Variants in PXDNL observed in about 807,000 individuals in gnomAD.
PXDNL encodes the protein probable oxidoreductase PXDNL.
Under a neutral mutation model 150.8 loss-of-function variants are expected in PXDNL, and 145 were observed. The ratio of observed to expected loss-of-function variants is 0.96; its 90% CI spans 0.84 to 1.10. The LOEUF is 1.10. Among genes scored for constraint, PXDNL ranks in the 50% least tolerant of loss-of-function variants. The pLI, the probability that PXDNL is intolerant of heterozygous loss-of-function variation, is 0.00. For missense variants in PXDNL, 2,087 were observed against 1,873.9 expected (o/e 1.11, Z -2.10); for synonymous variants, 757 against 725.7 (o/e 1.04, Z -0.69).
chr8:51,687,376 C>T (rs56263474), intron 1 of PXDNL, among the ~76,000 whole-genome samples: 2,065 of 152,156 alleles, frequency 0.014, 29 homozygotes, highest in South Asian at 0.045. Flanking sequence ...GTTGATGATA[C>T]AATGTTTAAA....
intron 2 of PXDNL, among the ~76,000 whole-genome samples, chr8:51,628,518 G>A (rs1814416009): frequency 7.2e-6 from 1 of 138,728 alleles, no homozygotes; most frequent in Non-Finnish European, 1.5e-5. Flanking sequence ...CAATTATCCT[G>A]CCTCAGCCTC....
At chr8:51,343,814 G>T (rs117814964) in intron 20 of PXDNL, among the ~76,000 whole-genome samples, 6 of 152,116 alleles carry the variant, frequency 3.9e-5, no homozygotes, top group African/African-American at 1.4e-4. Context: ...CGCTTCACCT[G>T]AATCAATGGA....
chr8:51,461,317 T>C (rs899566724), intron 8 of PXDNL, among the ~76,000 whole-genome samples: 2 of 152,188 alleles, frequency 1.3e-5, no homozygotes, highest in Admixed American at 1.3e-4. Context: ...AGGGCTAGTA[T>C]GGGAAGGGTG....
chr8:51,398,107 T>A (rs751652393), intron 17 of PXDNL, among the ~76,000 whole-genome samples: 2 of 152,180 alleles, frequency 1.3e-5, no homozygotes, highest in Non-Finnish European at 2.9e-5. Context: ...GAGGACAACA[T>A]GTGTGAGCCC....
chr8:51,386,868 G>C (rs1807733162), intron 17 of PXDNL, among the ~76,000 whole-genome samples: 1 of 150,866 alleles, frequency 6.6e-6, no homozygotes, highest in African/African-American at 2.4e-5. Flanking sequence ...TCAGCCAAGT[G>C]ACAAGCATTT....
chr8:51,332,157 T>G (rs1586007136), intron 21 of PXDNL, among the ~76,000 whole-genome samples: 1 of 152,216 alleles, frequency 6.6e-6, no homozygotes, highest in East Asian at 1.9e-4. Flanking sequence ...CACAGATTTC[T>G]GTGCAGAAAC....
chr8:51,560,721 G>C (rs1203313646), intron 3 of PXDNL, among the ~76,000 whole-genome samples: 1 of 151,830 alleles, frequency 6.6e-6, no homozygotes, highest in Admixed American at 6.6e-5. Context: ...CTTGGGTTTG[G>C]CAAATATTTC....
rs1385507905 is a variant in PXDNL, at chr8:51,697,546, G to C, written c.165-42786C>G. ...AGTCAAGGAGTAGATGTCCCTGAGA[G>C]CTCAAACATCTTGGAGAGTATCTGA... On this transcript the variant is annotated intron_variant, in intron 1 of 22. Transcript: ENST00000356297. Among the ~76,000 whole-genome samples the C allele has an allele frequency of 2.0e-5, 3 of 152,134 alleles. No individual in the cohort carries two copies. In the East Asian group the frequency reaches 5.8e-4, roughly 29 times the overall value.
chr8:51,738,502 C>A (rs1320136104), intron 1 of PXDNL, among the ~76,000 whole-genome samples: 2 of 152,074 alleles, frequency 1.3e-5, no homozygotes, highest in African/African-American at 2.4e-5. Flanking sequence ...CAGATTAAAT[C>A]TTTCTAGGGC....
intron 9 of PXDNL, among the ~76,000 whole-genome samples, chr8:51,454,066 T>C (rs1330983833): frequency 6.6e-6 from 1 of 151,910 alleles, no homozygotes; most frequent in East Asian, 1.9e-4. Flanking sequence ...TATTCCTTAT[T>C]TTAGGGGTTA....
chr8:51,576,198 C>CAAAAA (rs35166901), intron 3 of PXDNL, among the ~76,000 whole-genome samples: 1 of 109,356 alleles, frequency 9.1e-6, no homozygotes. Context: ...AACACTGCTC[C>CAAAAA]AAAAAAAAAA....
chr8:51,445,916 C>T (rs1158094252), intron 12 of PXDNL, among the ~76,000 whole-genome samples: 2 of 151,964 alleles, frequency 1.3e-5, no homozygotes, highest in Admixed American at 1.3e-4. Flanking sequence ...AATCTTCCCA[C>T]TCGTTTGAGT....
rs116854562 is a variant in PXDNL, at chr8:51,791,647, C to T, written c.164+17534G>A. Among the ~76,000 whole-genome samples, 44 of 152,276 alleles carry T rather than the reference C, an allele frequency of 2.9e-4. 1 individual carries two copies. The East Asian group carries it at 8.5e-3, about 29-fold the overall frequency. On this transcript the variant is annotated intron_variant, in intron 1 of 22. Coordinates refer to ENST00000356297, the MANE Select transcript of PXDNL (RefSeq NM_144651.5). ...GTTTTGCATAACTTATCAACCCTGC[C>T]GGTGCATGCAACCCTAAAAGTCAGG...
intron 21 of PXDNL, among the ~76,000 whole-genome samples, chr8:51,335,064 A>G (rs1038589823): frequency 6.6e-6 from 1 of 152,078 alleles, no homozygotes; most frequent in Non-Finnish European, 1.5e-5. Flanking sequence ...ATCTACATTT[A>G]CTTGTTTAAT....
intron 4 of PXDNL, among the ~76,000 whole-genome samples, chr8:51,525,730 C>A (rs1271606520): frequency 6.6e-6 from 1 of 152,182 alleles, no homozygotes; most frequent in African/African-American, 2.4e-5. Flanking sequence ...AGCAGAGCAA[C>A]CCCTGAGCAC....
chr8:51,609,873 G>A (rs1420274235), intron 2 of PXDNL, among the ~76,000 whole-genome samples: 1 of 152,154 alleles, frequency 6.6e-6, no homozygotes, highest in Non-Finnish European at 1.5e-5. Flanking sequence ...CTAACAACCA[G>A]ATAACCAGAT....
chr8:51,559,330 ACCC>A (rs59230172), intron 3 of PXDNL, among the ~76,000 whole-genome samples: 42,163 of 98,534 alleles, frequency 0.43, 8,937 homozygotes, highest in African/African-American at 0.61. Context: ...TTTCTTCCAA[ACCC>A]CCCCCCCCCC....
At chr8:51,509,088 T>A (rs1811353007) in intron 4 of PXDNL, among the ~76,000 whole-genome samples, 1 of 152,112 alleles carries the variant, frequency 6.6e-6, no homozygotes, top group Non-Finnish European at 1.5e-5. Flanking sequence ...CCATAGCCTA[T>A]TGTCTACGTA....
intron 4 of PXDNL, among the ~76,000 whole-genome samples, chr8:51,532,097 C>T (rs1811919306): frequency 2.6e-5 from 4 of 152,178 alleles, no homozygotes; most frequent in African/African-American, 9.7e-5. Context: ...GTGCAGAATG[C>T]AGGTAAGTAT....
Sources: gnomAD v4.1 joint callset for allele counts (sites outside exome capture counted in the v4.1 genomes callset) on GRCh38, gnomAD v4.1.1 for gene constraint, MANE v1.5 for transcripts, NCBI Gene and HGNC (gene_info 2026-07-23, HGNC 2026-07-21) for gene names.